Variants in SLC35F3 observed in about 807,000 individuals in gnomAD.
SLC35F3 encodes putative thiamine transporter SLC35F3.
Under a neutral mutation model 49.9 loss-of-function variants are expected in SLC35F3, and 25 were observed. The ratio of observed to expected loss-of-function variants is 0.50; its 90% CI spans 0.37 to 0.70. The LOEUF is 0.70. Among genes scored for constraint, SLC35F3 ranks in the 30% least tolerant of loss-of-function variants. The pLI, the probability that SLC35F3 is intolerant of heterozygous loss-of-function variation, is 0.00. For synonymous variants in SLC35F3, 275 were observed against 265.4 expected, an observed-to-expected ratio of 1.04 and a Z score of -0.35; for missense variants, 525 against 639.8, an observed-to-expected ratio of 0.82 and a Z score of 1.94.
At chr1:234,192,475 A>G (rs974044070) in intron 2 of SLC35F3, among the ~76,000 whole-genome samples, 2 of 152,248 alleles carry the variant, frequency 1.3e-5, no homozygotes, top group Non-Finnish European at 1.5e-5. Flanking sequence ...TGTCTATGAC[A>G]AATCCACAGC....
At chr1:234,125,213 T>G (rs1010915460) in intron 2 of SLC35F3, among the ~76,000 whole-genome samples, 18 of 152,072 alleles carry the variant, frequency 1.2e-4, no homozygotes, top group Non-Finnish European at 2.4e-4. Context: ...TCACGTCCCT[T>G]CTTGCTACCC....
intron 2 of SLC35F3, among the ~76,000 whole-genome samples, chr1:234,030,390 T>G (rs1664044245): frequency 6.6e-6 from 1 of 152,100 alleles, no homozygotes. Flanking sequence ...TGCTCACAGC[T>G]CATTCAGTAC....
intron 3 of SLC35F3, among the ~76,000 whole-genome samples, chr1:234,238,958 CT>C (rs1667514702): frequency 6.6e-6 from 1 of 152,162 alleles, no homozygotes; most frequent in African/African-American, 2.4e-5. Context: ...TTCAATTTCA[CT>C]GAAATTCTTT....
intron 2 of SLC35F3, among the ~76,000 whole-genome samples, chr1:233,977,007 A>T (rs749362136): frequency 5.3e-5 from 8 of 152,240 alleles, no homozygotes; most frequent in Non-Finnish European, 8.8e-5. Flanking sequence ...TACAGAAGCC[A>T]GCTCTGGGAG....
intron 2 of SLC35F3, among the ~76,000 whole-genome samples, chr1:234,222,401 G>A (rs376558767): frequency 2.0e-5 from 3 of 152,220 alleles, no homozygotes; most frequent in African/African-American, 7.2e-5. Flanking sequence ...CTGCCTTGTT[G>A]ATGCATAACG....
intron 2 of SLC35F3, among the ~76,000 whole-genome samples, chr1:234,047,551 A>C (rs894147298): frequency 6.6e-6 from 1 of 152,312 alleles, no homozygotes; most frequent in Non-Finnish European, 1.5e-5. Flanking sequence ...TCATGAACTT[A>C]CTGGCCTTTG....
intron 2 of SLC35F3, among the ~76,000 whole-genome samples, chr1:233,919,173 T>G (rs567437083): frequency 6.6e-6 from 1 of 152,314 alleles, no homozygotes; most frequent in Admixed American, 6.5e-5. Flanking sequence ...CCTATTTACT[T>G]CAGTTATTGC....
intron 3 of SLC35F3, among the ~76,000 whole-genome samples, chr1:234,305,277 T>C (rs1457339521): frequency 6.6e-6 from 1 of 152,214 alleles, no homozygotes; most frequent in Non-Finnish European, 1.5e-5. Context: ...TGTAAGTATT[T>C]GTCAAATAAT....
intron 2 of SLC35F3, among the ~76,000 whole-genome samples, chr1:233,928,824 C>T (rs115888239): frequency 0.01 from 1,589 of 152,168 alleles, 28 homozygotes; most frequent in African/African-American, 0.037. Context: ...GTAGTATCAG[C>T]GAGCTGTTAC....
chr1:234,040,195 C>T (rs1394961992), intron 2 of SLC35F3, among the ~76,000 whole-genome samples: 3 of 152,132 alleles, frequency 2.0e-5, no homozygotes, highest in East Asian at 1.9e-4. Flanking sequence ...CCGCCTCTCT[C>T]CTCTGAAGTC....
chr1:234,186,043 G>A (rs1055944279), intron 2 of SLC35F3, among the ~76,000 whole-genome samples: 3 of 152,150 alleles, frequency 2.0e-5, no homozygotes, highest in Non-Finnish European at 2.9e-5. Flanking sequence ...ATTTTAAGGA[G>A]GTCCCCACTA....
intron 3 of SLC35F3, among the ~76,000 whole-genome samples, chr1:234,302,925 A>G (rs893345128): frequency 6.6e-6 from 1 of 152,224 alleles, no homozygotes; most frequent in African/African-American, 2.4e-5. Context: ...AAATAGTAGT[A>G]AAAGAATTAT....
At chr1:233,979,398 G>A (rs1015242561) in intron 2 of SLC35F3, among the ~76,000 whole-genome samples, 2 of 152,232 alleles carry the variant, frequency 1.3e-5, no homozygotes, top group African/African-American at 4.8e-5. Context: ...GGGCCGAACA[G>A]TACCCAAGCC....
At chr1:234,034,240 T>C (rs1412635466) in intron 2 of SLC35F3, among the ~76,000 whole-genome samples, 1 of 152,216 alleles carries the variant, frequency 6.6e-6, no homozygotes, top group East Asian at 1.9e-4. Flanking sequence ...ATTTATCAGA[T>C]TTAGGAGCTT....
At chr1:234,144,942 C>T (rs542907709) in intron 2 of SLC35F3, among the ~76,000 whole-genome samples, 1 of 152,314 alleles carries the variant, frequency 6.6e-6, no homozygotes, top group East Asian at 1.9e-4. Context: ...TAGGAAATAG[C>T]ATGTGTAGTG....
intron 3 of SLC35F3, among the ~76,000 whole-genome samples, chr1:234,282,375 G>A (rs1333756291): frequency 6.6e-6 from 1 of 152,202 alleles, no homozygotes; most frequent in Non-Finnish European, 1.5e-5. Flanking sequence ...GCTGGACCCT[G>A]AAATTGGTGG....
At chr1:233,933,656 G>A (rs1203247074) in intron 2 of SLC35F3, among the ~76,000 whole-genome samples, 1 of 152,178 alleles carries the variant, frequency 6.6e-6, no homozygotes, top group Non-Finnish European at 1.5e-5. Flanking sequence ...TTCAAGACTA[G>A]CCTGTCCAAC....
intron 2 of SLC35F3, among the ~76,000 whole-genome samples, chr1:234,163,689 C>T (rs993564543): frequency 6.6e-6 from 1 of 152,198 alleles, no homozygotes; most frequent in African/African-American, 2.4e-5. Flanking sequence ...ATGCACCCAA[C>T]AGATGGATGT....
At chr1:234,016,219 A>G (rs1663800572) in intron 2 of SLC35F3, among the ~76,000 whole-genome samples, 1 of 152,216 alleles carries the variant, frequency 6.6e-6, no homozygotes, top group Non-Finnish European at 1.5e-5. Flanking sequence ...TAGTACAGCC[A>G]CTATGGAAAA....
Sources: gnomAD v4.1 joint callset for allele counts (sites outside exome capture counted in the v4.1 genomes callset) on GRCh38, gnomAD v4.1.1 for gene constraint, MANE v1.5 for transcripts, NCBI Gene and HGNC (gene_info 2026-07-23, HGNC 2026-07-21) for gene names.